Variants in NAPB observed in about 807,000 individuals in gnomAD.
NAPB encodes the protein beta-soluble NSF attachment protein.
A neutral mutation model predicts 44.7 loss-of-function variants in NAPB; 26 were observed. That is an observed-to-expected ratio of 0.58 (90% CI 0.43 to 0.81). The LOEUF (loss-of-function observed/expected upper bound fraction) is 0.81. Among genes scored for constraint, NAPB ranks in the 30% least tolerant of loss-of-function variants. The pLI is 0.00. For synonymous variants in NAPB, 120 were observed against 116.8 expected (o/e 1.03, Z -0.18); for missense variants, 315 against 356.4 (o/e 0.88, Z 0.94).
At chr20:23,394,869 T>G (rs1004959212) in intron 5 of NAPB, 53 bp downstream of exon 5, 4 of 1,552,994 alleles carry the variant, frequency 2.6e-6, no homozygotes, top group Non-Finnish European at 3.6e-6. Context: ...GAGAGTTCTT[T>G]GAGTCAGCTT....
rs375992894 is a variant in NAPB, at chr20:23,395,128, C to T, written c.342+11G>A. ...CCACCCCACAGCCACTCAAGCAATG[C>T]AATGTCTTACCATGTCTGTGTAAAT... On this transcript the variant is annotated intron_variant, in intron 4 of 10. Transcript: ENST00000377026. 5.0e-6 allele frequency: 8 copies of T among 1,614,042 alleles called. No homozygotes were observed. Among genetic ancestry groups the T allele is most frequent in the African/African-American group, 4.0e-5 (3 of 74,932 alleles).
Position 23,381,190 on chromosome 20 carries a change from A to G in NAPB, c.666+23T>C, listed in dbSNP as rs1398792772. ...GTATTCTTATGGGTGAAATCAGTCA[A>G]TCAATGCTGAAGAACTCCTTACCTT... On this transcript the variant is annotated intron_variant, in intron 8 of 10. Coordinates refer to ENST00000377026, the MANE Select transcript of NAPB (RefSeq NM_022080.3). 5 of 1,520,762 alleles carry G rather than the reference A, an allele frequency of 3.3e-6. No homozygotes were observed. The Admixed American group carries it at 8.4e-5, about 25-fold the overall frequency. 94.2% of individuals were successfully genotyped at this position (1,520,762 alleles called of 1,614,324 possible).
chr20:23,400,734 TCAC>T (rs1984773541), intron 2 of NAPB, among the ~76,000 whole-genome samples: 1 of 152,142 alleles, frequency 6.6e-6, no homozygotes, highest in African/African-American at 2.4e-5. Context: ...GTTATGATCA[TCAC>T]CAATGCAACA....
intron 2 of NAPB, among the ~76,000 whole-genome samples, chr20:23,400,065 C>A (rs1258392097): frequency 6.6e-6 from 1 of 152,186 alleles, no homozygotes; most frequent in African/African-American, 2.4e-5. Context: ...AATACCACAA[C>A]ACCCAGGCTC....
chr20:23,404,442 C>A (rs1985091850), intron 1 of NAPB, among the ~76,000 whole-genome samples: 2 of 152,216 alleles, frequency 1.3e-5, no homozygotes, highest in Non-Finnish European at 2.9e-5. Context: ...CCTGTCAACA[C>A]AAGTCCTAGT....
intron 1 of NAPB, among the ~76,000 whole-genome samples, chr20:23,416,753 A>G (rs1404471824): frequency 6.6e-6 from 1 of 152,210 alleles, no homozygotes; most frequent in Admixed American, 6.5e-5. Flanking sequence ...TTTGAACAAG[A>G]ATTGTAACTG....
At chr20:23,403,603 C>CAAAAAAAAAAAAAAAAA (rs200464480) in intron 1 of NAPB, among the ~76,000 whole-genome samples, 15 of 121,118 alleles carry the variant, frequency 1.2e-4, no homozygotes, top group Admixed American at 2.6e-4. Flanking sequence ...AACTATGTCT[C>CAAAAAAAAAAAAAAAAA]AAAAAAAAAA....
intron 2 of NAPB, 38 bp from the exon 3 acceptor site, chr20:23,397,226 TC>T (rs766506671): frequency 3.8e-6 from 6 of 1,584,146 alleles, no homozygotes; most frequent in South Asian, 1.1e-5. Flanking sequence ...GAGGAACAAG[TC>T]CCCCCCAGAG....
chr20:23,405,065 G>A (rs1985138141), intron 1 of NAPB, among the ~76,000 whole-genome samples: 1 of 152,160 alleles, frequency 6.6e-6, no homozygotes, highest in African/African-American at 2.4e-5. Flanking sequence ...CACTTTGGGA[G>A]GCCGAGGCTG....
intron 2 of NAPB, among the ~76,000 whole-genome samples, chr20:23,400,177 T>C (rs566244582): frequency 1.6e-4 from 24 of 152,226 alleles, no homozygotes; most frequent in Non-Finnish European, 3.1e-4. Context: ...TTTTTCACTC[T>C]GACTATTCAT....
At chr20:23,383,355 G>A (rs543193933) in intron 7 of NAPB, among the ~76,000 whole-genome samples, 1 of 152,144 alleles carries the variant, frequency 6.6e-6, no homozygotes, top group South Asian at 2.1e-4. Flanking sequence ...AATTATGAAA[G>A]TGTCTAGAGA....
chr20:23,396,794 A>G (rs1455510834), intron 3 of NAPB: 1 of 198,156 alleles, frequency 5.0e-6, no homozygotes, highest in Non-Finnish European at 1.0e-5. Flanking sequence ...GTAATTTCCA[A>G]AAAATTCTCT....
intron 1 of NAPB, among the ~76,000 whole-genome samples, chr20:23,421,001 G>A (rs1047505025): frequency 3.3e-5 from 5 of 149,552 alleles, no homozygotes; most frequent in African/African-American, 1.2e-4. Context: ...GCCCTAGGGG[G>A]TCTCTAAAGT....
intron 1 of NAPB, among the ~76,000 whole-genome samples, chr20:23,419,358 A>G (rs1181837058): frequency 6.6e-6 from 1 of 152,234 alleles, no homozygotes; most frequent in Non-Finnish European, 1.5e-5. Context: ...AACATTTAAA[A>G]GGGAGATGTT....
At chr20:23,398,854 A>ATTTTTTTTTTTTTTTTTTTTTTTTTTTTT (rs34074566) in intron 2 of NAPB, among the ~76,000 whole-genome samples, 1 of 90,426 alleles carries the variant, frequency 1.1e-5, no homozygotes. Context: ...CAAAAAAAAA[A>ATTTTTTTTTTTTTTTTTTTTTTTTTTTTT]TTTTTTTTTT....
intron 1 of NAPB, among the ~76,000 whole-genome samples, chr20:23,417,241 G>A (rs1029046880): frequency 1.3e-5 from 2 of 152,000 alleles, no homozygotes; most frequent in Admixed American, 6.6e-5. Flanking sequence ...CCGCCACCAC[G>A]CCAGGCTAAT....
At chr20:23,381,441 T>C (rs1982997378) in intron 7 of NAPB, 124 bp from the exon 8 acceptor site, 1 of 590,148 alleles carries the variant, frequency 1.7e-6, no homozygotes, top group Non-Finnish European at 2.9e-6. Flanking sequence ...ATGAAATATA[T>C]TATTTTATCC....
At chr20:23,389,709 TG>T (rs1983810610) in intron 7 of NAPB, among the ~76,000 whole-genome samples, 1 of 152,198 alleles carries the variant, frequency 6.6e-6, no homozygotes, top group Non-Finnish European at 1.5e-5. Context: ...GAGTAGATTG[TG>T]TCTTCCAGGG....
intron 1 of NAPB, among the ~76,000 whole-genome samples, chr20:23,413,126 G>A (rs970287889): frequency 2.0e-5 from 3 of 151,778 alleles, no homozygotes; most frequent in South Asian, 2.1e-4. Context: ...GCAAGATTCC[G>A]TGTCGAAAAA....
Sources: allele counts gnomAD v4.1 joint callset (sites outside exome capture counted in the v4.1 genomes callset), GRCh38; gene constraint gnomAD v4.1.1; transcripts MANE v1.5; gene names NCBI Gene and HGNC (gene_info 2026-07-23, HGNC 2026-07-21).